The following RGS3 variants were observed in gnomAD, a reference collection of about 807,000 sequenced individuals.
The protein encoded by RGS3 is regulator of G-protein signalling 3.
In RGS3, 80 loss-of-function variants were observed where a neutral mutation model predicts 132.6. The observed-to-expected ratio is 0.60, with a 90% CI of 0.50 to 0.73. The LOEUF (loss-of-function observed/expected upper bound fraction) is 0.73. RGS3 is among the 30% of genes least tolerant of loss of function. RGS3 has a pLI of 0.00. For missense variants in RGS3, 1,382 were observed against 1,530.8 expected, an observed-to-expected ratio of 0.90 and a Z score of 1.62; for synonymous variants, 598 against 620.6, an observed-to-expected ratio of 0.96 and a Z score of 0.54.
At chr9:113,463,000 G>C (rs1426383696) in intron 3 of RGS3, among the ~76,000 whole-genome samples, 1 of 152,222 alleles carries the variant, frequency 6.6e-6, no homozygotes, top group African/African-American at 2.4e-5. Context: ...CAGCAAAGCA[G>C]GGTTTGACCT....
chr9:113,478,308 T>C (rs1160037068), intron 3 of RGS3, among the ~76,000 whole-genome samples: 1 of 152,236 alleles, frequency 6.6e-6, no homozygotes, highest in East Asian at 1.9e-4. Flanking sequence ...TTCTTTTTAA[T>C]TATAGAAGTG....
chr9:113,462,277 T>A, intron 3 of RGS3: 1 of 760,610 alleles, frequency 1.3e-6, no homozygotes. Context: ...ACCATGTGTG[T>A]GTGTAACCGG....
chr9:113,480,877 G>A (rs982791778), intron 4 of RGS3, among the ~76,000 whole-genome samples: 6 of 152,204 alleles, frequency 3.9e-5, no homozygotes, highest in African/African-American at 1.4e-4. Context: ...CCCACTGCCA[G>A]GACTCTTCTG....
chr9:113,564,635 G>A (rs575023547), intron 19 of RGS3, among the ~76,000 whole-genome samples: 7 of 152,302 alleles, frequency 4.6e-5, no homozygotes, highest in Admixed American at 4.6e-4. Context: ...ATTCAGGGCT[G>A]TAACTCTCAT....
chr9:113,486,848 C>T (rs1830347063), intron 7 of RGS3, among the ~76,000 whole-genome samples: 1 of 152,080 alleles, frequency 6.6e-6, no homozygotes, highest in Admixed American at 6.5e-5. Context: ...ATAAAGTATC[C>T]ACTTTTCATC....
Position 113,463,786 on chromosome 9 carries a change from G to C in RGS3, c.415+1585G>C. 1 of 1,603,498 alleles carries C rather than the reference G, an allele frequency of 6.2e-7. No individual in the cohort carries two copies. Among genetic ancestry groups the C allele is most frequent in the Non-Finnish European group, 8.5e-7 (1 of 1,176,054 alleles). On this transcript the variant is annotated intron_variant, in intron 3 of 24. Transcript: ENST00000350696. The surrounding 1 kb of genome is among the most constrained non-coding windows in gnomAD (Gnocchi z 4.6). ...CTCGGGTTGCAGACGCTCCTGTCCGGGTCGCAGTGGGACGCCATGGAGCGC... is the reference window on the plus strand; with the variant it reads ...CTCGGGTTGCAGACGCTCCTGTCCGCGTCGCAGTGGGACGCCATGGAGCGC...
intron 7 of RGS3, among the ~76,000 whole-genome samples, chr9:113,495,249 G>T (rs543864302): frequency 6.6e-6 from 1 of 152,204 alleles, no homozygotes; most frequent in Admixed American, 6.5e-5. Flanking sequence ...GCCTGACCCT[G>T]GCCCATGCCT....
chr9:113,517,960 A>T (rs1831761186), intron 16 of RGS3, among the ~76,000 whole-genome samples: 1 of 152,136 alleles, frequency 6.6e-6, no homozygotes, highest in Non-Finnish European at 1.5e-5. Context: ...AGGAAGAGTA[A>T]AGCTATTAGC....
At chr9:113,547,018 G>A (rs1205961384) in intron 19 of RGS3, among the ~76,000 whole-genome samples, 1 of 152,152 alleles carries the variant, frequency 6.6e-6, no homozygotes, top group Admixed American at 6.5e-5. Flanking sequence ...AGAATATCAG[G>A]ATATAACAAT....
chr9:113,551,359 TA>T (rs1833332447), intron 19 of RGS3, among the ~76,000 whole-genome samples: 1 of 152,264 alleles, frequency 6.6e-6, no homozygotes, highest in African/African-American at 2.4e-5. Flanking sequence ...ACATTTTGTT[TA>T]ACCGTTCATC....
exon 7 of RGS3, chr9:113,485,658 C>T: frequency 6.3e-7 from 1 of 1,597,920 alleles, no homozygotes; most frequent in Non-Finnish European, 8.5e-7. Context: ...AGAAGCGTCT[C>T]TTGGTTACTG....
Position 113,595,792 on chromosome 9 carries a change from T to C in RGS3, c.3411+27T>C, listed in dbSNP as rs745934012. 5 of 1,605,892 alleles carry C rather than the reference T, an allele frequency of 3.1e-6. No individual in the cohort carries two copies. The South Asian group carries it at 5.5e-5, about 18-fold the overall frequency. On this transcript the variant is annotated intron_variant, in intron 24 of 24. Transcript: ENST00000350696. ...TAGGACCTCAGGGCAGACCCTCCGC[T>C]CCTCCAATCCCCAGGGCCCAGTGGC...
At chr9:113,593,906 G>C in intron 21 of RGS3, 3 of 1,580,994 alleles carry the variant, frequency 1.9e-6, no homozygotes, top group Non-Finnish European at 2.6e-6. Context: ...CCCCACCACT[G>C]TCTCCCTGCT....
At chr9:113,501,553 G>C in intron 10 of RGS3, 1 of 1,540,854 alleles carries the variant, frequency 6.5e-7, no homozygotes, top group Non-Finnish European at 8.7e-7. Flanking sequence ...TCATGGGGCG[G>C]CAGCCGAGGC....
At chr9:113,585,174 T>C (rs757978227) in intron 20 of RGS3, among the ~76,000 whole-genome samples, 16 of 152,210 alleles carry the variant, frequency 1.1e-4, no homozygotes, top group Non-Finnish European at 2.2e-4. Context: ...GTTAACTGTG[T>C]GAGCCTTGAA....
At chr9:113,517,462 T>C in intron 15 of RGS3, 79 bp from the exon 14 acceptor site, 1 of 1,206,134 alleles carries the variant, frequency 8.3e-7, no homozygotes, top group Admixed American at 1.7e-5. Context: ...TGGCTGGCTT[T>C]GACAAGCTGC....
chr9:113,479,655 T>G (rs1370019116), intron 4 of RGS3, 114 bp downstream of exon 2: 4 of 933,218 alleles, frequency 4.3e-6, no homozygotes, highest in Non-Finnish European at 6.9e-6. Context: ...TTTCTCATCC[T>G]TGTATAAAGG....
intron 17 of RGS3, among the ~76,000 whole-genome samples, chr9:113,528,157 G>C (rs373037774): frequency 1.2e-4 from 18 of 152,290 alleles, no homozygotes; most frequent in African/African-American, 4.3e-4. Flanking sequence ...ACTGTGGTGC[G>C]CTAAGGTCCT....
intron 19 of RGS3, among the ~76,000 whole-genome samples, chr9:113,543,048 C>CT (rs1185632910): frequency 6.6e-6 from 1 of 152,204 alleles, no homozygotes; most frequent in African/African-American, 2.4e-5. Context: ...CTCTCATACT[C>CT]TTATCTAACT....
Sources: gnomAD v4.1 joint callset for allele counts (sites outside exome capture counted in the v4.1 genomes callset) on GRCh38, gnomAD v4.1.1 for gene constraint, Gnocchi (gnomAD v3.1) non-coding constraint, MANE v1.5 for transcripts, NCBI Gene and HGNC (gene_info 2026-07-23, HGNC 2026-07-21) for gene names.